Variants in KAT2B observed in about 807,000 individuals in gnomAD.
KAT2B encodes the protein histone acetyltransferase KAT2B.
KAT2B carries 36 observed loss-of-function variants against 105.9 expected under a neutral mutation model. That is an observed-to-expected ratio of 0.34 (90% CI 0.26 to 0.45). KAT2B has a LOEUF of 0.45. Ranked by LOEUF, KAT2B falls within the 20% of genes least tolerant of loss-of-function variation. KAT2B has a pLI of 1.00. For missense variants in KAT2B, 820 were observed against 1,021.6 expected (o/e 0.80, Z 2.69); for synonymous variants, 397 against 377.9 (o/e 1.05, Z -0.59).
intron 9 of KAT2B, among the ~76,000 whole-genome samples, chr3:20,125,445 C>G (rs4858767): frequency 0.41 from 62,949 of 152,124 alleles, 14,377 homozygotes; most frequent in African/African-American, 0.58. Context: ...AAACTATAAC[C>G]CACAGGCCAC....
At chr3:20,106,817 G>A (rs1027296722) in intron 5 of KAT2B, among the ~76,000 whole-genome samples, 1 of 150,456 alleles carries the variant, frequency 6.6e-6, no homozygotes, top group South Asian at 2.1e-4. Context: ...CTCCTCAGAT[G>A]GAAATGCTGT....
At chr3:20,122,254 A>G (rs1387584173) in intron 8 of KAT2B, among the ~76,000 whole-genome samples, 1 of 152,202 alleles carries the variant, frequency 6.6e-6, no homozygotes, top group African/African-American at 2.4e-5. Flanking sequence ...CACATTTACA[A>G]AAGATTGGTC....
At chr3:20,042,054 C>T (rs183703927) in intron 1 of KAT2B, among the ~76,000 whole-genome samples, 5 of 152,268 alleles carry the variant, frequency 3.3e-5, no homozygotes, top group African/African-American at 1.2e-4. Flanking sequence ...GCCCAGTGCT[C>T]CTCAAACTTT....
chr3:20,142,841 A>G (rs6799600), intron 13 of KAT2B, among the ~76,000 whole-genome samples: 9,063 of 152,162 alleles, frequency 0.06, 888 homozygotes, highest in African/African-American at 0.2. Flanking sequence ...TATTTGAGAA[A>G]GCGCGAATAG....
intron 5 of KAT2B, among the ~76,000 whole-genome samples, chr3:20,105,588 G>A (rs756737337): frequency 8.6e-5 from 13 of 152,040 alleles, no homozygotes; most frequent in Non-Finnish European, 1.9e-4. Context: ...CCCAGCCTGG[G>A]CAACAGAATG....
intron 13 of KAT2B, 81 bp downstream of exon 13, chr3:20,140,445 GTATGTGTT>G (rs1699677273): frequency 7.0e-7 from 1 of 1,428,480 alleles, no homozygotes; most frequent in African/African-American, 1.4e-5. Context: ...GGTGCTGCGT[GTATGTGTT>G]TACTGGATAG....
intron 2 of KAT2B, among the ~76,000 whole-genome samples, chr3:20,073,273 T>C (rs2125181820): frequency 6.6e-6 from 1 of 152,332 alleles, no homozygotes; most frequent in South Asian, 2.1e-4. Context: ...GCCAGTTTGC[T>C]GTCCGTGACT....
At chr3:20,127,378 T>C in intron 10 of KAT2B, 45 bp from the exon 11 acceptor site, 1 of 1,553,990 alleles carries the variant, frequency 6.4e-7, no homozygotes, top group Admixed American at 1.7e-5. Context: ...AGTATATTTA[T>C]ATAACTAGGA....
At chr3:20,061,414 G>A (rs989933302) in intron 1 of KAT2B, among the ~76,000 whole-genome samples, 4 of 152,070 alleles carry the variant, frequency 2.6e-5, no homozygotes, top group African/African-American at 9.7e-5. Flanking sequence ...TCTTGCTGTT[G>A]TGCTTAATAA....
At chr3:20,065,222 G>C (rs910965538) in intron 1 of KAT2B, among the ~76,000 whole-genome samples, 1 of 152,084 alleles carries the variant, frequency 6.6e-6, no homozygotes, top group African/African-American at 2.4e-5. Context: ...TGTGCTCTTG[G>C]GGGGATGAAG....
Position 20,143,936 on chromosome 3 carries a change from G to A in KAT2B, c.2005-2380G>A, listed in dbSNP as rs572145747. Among the ~76,000 whole-genome samples the A allele has an allele frequency of 1.2e-4, 19 of 152,246 alleles. 1 individual carries two copies. Among genetic ancestry groups the A allele is most frequent in the African/African-American group, 4.6e-4 (19 of 41,536 alleles). On this transcript the variant is annotated intron_variant, in intron 13 of 17. Transcript: ENST00000263754. ...TGAAAAACTACCTGTCAGGTACTGT[G>A]CTCACTACTTGGGCAGTGAGATCAT...
At position 20,072,258 on chromosome 3, in the gene KAT2B, A is replaced by C. The variant is rs750422136; in HGVS notation, c.304-75A>C. On this transcript the variant is annotated intron_variant, in intron 1 of 17. Coordinates refer to ENST00000263754, the MANE Select transcript of KAT2B (RefSeq NM_003884.5). ...GATAGCTGTCATATAATTAGTGTAC[A>C]TTGTTCTCATGTAAAACCATCAGTC... is the stretch of plus-strand genomic sequence containing the variant. The C allele has an allele frequency of 3.4e-6, 5 of 1,452,970 alleles. No homozygotes were observed. The South Asian group carries it at 4.6e-5, about 13-fold the overall frequency. 90.0% of individuals were successfully genotyped at this position (1,452,970 alleles called of 1,614,324 possible). A position where few individuals can be genotyped will look rare whatever the true frequency, so the allele number is the denominator to read the frequency against.
intron 1 of KAT2B, among the ~76,000 whole-genome samples, chr3:20,066,748 TAA>T (rs1055669974): frequency 6.8e-6 from 1 of 146,192 alleles, no homozygotes. Flanking sequence ...TGCACCGCAT[TAA>T]AAAAAAAAAA....
chr3:20,150,180 T>C (rs1221992481), intron 17 of KAT2B, among the ~76,000 whole-genome samples: 1 of 152,242 alleles, frequency 6.6e-6, no homozygotes, highest in African/African-American at 2.4e-5. Context: ...AAATGTGTGC[T>C]GGACAAAGTT....
intron 1 of KAT2B, among the ~76,000 whole-genome samples, chr3:20,067,787 G>T (rs1698248912): frequency 6.6e-6 from 1 of 151,294 alleles, no homozygotes; most frequent in South Asian, 2.1e-4. Flanking sequence ...CGATTCTCCT[G>T]CCTCAGCCTC....
At position 20,118,211 on chromosome 3, in the gene KAT2B, AT is replaced by A. The variant is rs1336376860; in HGVS notation, c.1151-1386del. On this transcript the variant is annotated intron_variant, in intron 7 of 17. Coordinates refer to ENST00000263754, the MANE Select transcript of KAT2B (RefSeq NM_003884.5). ...TTTAAATTTATATATAATATACTAT[AT>A]ATTTACATATGTAAATATGTAAATA... Among the ~76,000 whole-genome samples, 3 of 146,594 alleles carry A rather than the reference AT, an allele frequency of 2.0e-5. No homozygotes were observed. In the East Asian group the frequency reaches 5.9e-4, roughly 29 times the overall value.
At chr3:20,139,065 T>A (rs1485409537) in intron 12 of KAT2B, among the ~76,000 whole-genome samples, 1 of 151,710 alleles carries the variant, frequency 6.6e-6, no homozygotes, top group Admixed American at 6.6e-5. Context: ...AGCAATTTTT[T>A]TTTTTTAATC....
chr3:20,137,098 A>G (rs776404886), intron 12 of KAT2B, 46 bp downstream of exon 12: 1 of 942,428 alleles, frequency 1.1e-6, no homozygotes, highest in South Asian at 1.3e-5. Context: ...CCTTTTCTTA[A>G]TATGTTCTCA....
chr3:20,117,295 G>C (rs1699223123), intron 7 of KAT2B, among the ~76,000 whole-genome samples: 1 of 152,206 alleles, frequency 6.6e-6, no homozygotes, highest in Admixed American at 6.5e-5. Flanking sequence ...GAAGCCATCA[G>C]AAGTGGGCTG....
Sources: allele counts gnomAD v4.1 joint callset (sites outside exome capture counted in the v4.1 genomes callset), GRCh38; gene constraint gnomAD v4.1.1; transcripts MANE v1.5; gene names NCBI Gene and HGNC (gene_info 2026-07-23, HGNC 2026-07-21).